ARHGEF10: variants seen among roughly 807,000 people sequenced by gnomAD.
ARHGEF10 encodes Rho guanine nucleotide exchange factor (GEF) 10.
In ARHGEF10, 140 loss-of-function variants were observed where a neutral mutation model predicts 147.4. The ratio of observed to expected loss-of-function variants is 0.95; its 90% CI spans 0.83 to 1.09. The LOEUF (loss-of-function observed/expected upper bound fraction) is 1.09, where lower values mean the gene tolerates loss of function less well. Ranked by LOEUF, ARHGEF10 falls within the 50% of genes least tolerant of loss-of-function variation. The pLI, the probability that ARHGEF10 is intolerant of heterozygous loss-of-function variation, is 0.00. For missense variants in ARHGEF10, 2,222 were observed against 1,752.7 expected (o/e 1.27, Z -4.78); for synonymous variants, 902 against 695.8 (o/e 1.30, Z -4.67).
chr8:1,926,258 T>A, intron 22 of ARHGEF10, 119 bp from the exon 23 acceptor site: 1 of 846,362 alleles, frequency 1.2e-6, no homozygotes, highest in Non-Finnish European at 2.0e-6. Flanking sequence ...TGGTAGGTAA[T>A]GAACCTGTAA....
chr8:1,886,716 C>G (rs1365010129), intron 11 of ARHGEF10, among the ~76,000 whole-genome samples: 1 of 152,226 alleles, frequency 6.6e-6, no homozygotes, highest in African/African-American at 2.4e-5. Flanking sequence ...GTGTGTTTCA[C>G]TGCATTTCAT....
At chr8:1,887,550 G>A (rs1307256895) in intron 11 of ARHGEF10, among the ~76,000 whole-genome samples, 1 of 148,864 alleles carries the variant, frequency 6.7e-6, no homozygotes, top group Non-Finnish European at 1.5e-5. Flanking sequence ...GAAACACTGA[G>A]TTGGGTGAGG....
intron 1 of ARHGEF10, among the ~76,000 whole-genome samples, chr8:1,834,621 T>C (rs992816815): frequency 1.3e-5 from 2 of 152,206 alleles, no homozygotes; most frequent in African/African-American, 4.8e-5. Flanking sequence ...TCCGTAAGCA[T>C]TGAGTGTCCT....
chr8:1,829,805 C>T (rs984446208), intron 1 of ARHGEF10, among the ~76,000 whole-genome samples: 5 of 152,156 alleles, frequency 3.3e-5, no homozygotes, highest in Non-Finnish European at 5.9e-5. Context: ...CCGGGGTCTG[C>T]GGAGGAAGAA....
Position 1,893,017 on chromosome 8 carries a change from C to G in ARHGEF10, c.1183-552C>G, listed in dbSNP as rs1329886722. On this transcript the variant is annotated intron_variant, in intron 11 of 28. Transcript: ENST00000349830. The stretch of plus-strand genomic sequence containing the variant: ...TTGTAGAGATTTTTTTTTTGCACCT[C>G]TAAGTGACATGAATAATTTACTGTC... Among the ~76,000 whole-genome samples the G allele has an allele frequency of 3.6e-5, 5 of 138,834 alleles. No individual in the cohort carries two copies. The Admixed American group carries it at 3.8e-4, about 11-fold the overall frequency. 91.1% of individuals were successfully genotyped at this position (138,834 alleles called of 152,430 possible). A position where few individuals can be genotyped will look rare whatever the true frequency, so the allele number is the denominator to read the frequency against.
intron 26 of ARHGEF10, among the ~76,000 whole-genome samples, chr8:1,935,927 G>C (rs760491351): frequency 6.6e-6 from 1 of 152,246 alleles, no homozygotes; most frequent in Non-Finnish European, 1.5e-5. Context: ...AGCTCACTCC[G>C]AGGGAGGCTG....
intron 11 of ARHGEF10, among the ~76,000 whole-genome samples, chr8:1,890,768 AG>A (rs1227389407): frequency 6.6e-6 from 1 of 151,952 alleles, no homozygotes; most frequent in African/African-American, 2.4e-5. Flanking sequence ...AGTGATTGGT[AG>A]GGGTGTGTGC....
intron 25 of ARHGEF10, among the ~76,000 whole-genome samples, chr8:1,930,551 A>T (rs1270499220): frequency 7.1e-6 from 1 of 140,296 alleles, no homozygotes; most frequent in Non-Finnish European, 1.5e-5. Context: ...ATAGAATTCC[A>T]GTCCTCCAGT....
chr8:1,906,769 C>T (rs1450820291), intron 17 of ARHGEF10, among the ~76,000 whole-genome samples: 1 of 152,220 alleles, frequency 6.6e-6, no homozygotes, highest in Non-Finnish European at 1.5e-5. Context: ...CGGGTCTCTT[C>T]AGGGATCAAG....
intron 23 of ARHGEF10, chr8:1,927,002 G>T (rs1812742736): frequency 4.8e-6 from 1 of 209,304 alleles, no homozygotes; most frequent in Non-Finnish European, 9.6e-6. Context: ...TCGCCCTCCA[G>T]GGCTCCACTG....
chr8:1,945,975 C>T (rs1585642791), intron 27 of ARHGEF10: 1 of 488,242 alleles, frequency 2.0e-6, no homozygotes. Context: ...ATCATCGGTG[C>T]AACAAGGCCC....
At chr8:1,884,792 TCTCA>T (rs934029726) in intron 10 of ARHGEF10, among the ~76,000 whole-genome samples, 22 of 152,230 alleles carry the variant, frequency 1.4e-4, no homozygotes, top group African/African-American at 4.8e-4. Context: ...AGAGACAGGG[TCTCA>T]CTCTGTCGCC....
chr8:1,876,376 C>T (rs527338211), intron 7 of ARHGEF10, 195 bp from the exon 8 acceptor site: 62 of 631,510 alleles, frequency 9.8e-5, no homozygotes, highest in South Asian at 1.9e-4. Context: ...CCAGCCTCCC[C>T]GGCCCTGCCC....
Position 1,882,769 on chromosome 8 carries a change from C to T in ARHGEF10, c.1075+20C>T. On this transcript the variant is annotated intron_variant, in intron 10 of 28. Transcript: ENST00000349830. ...CACAGGGTCCGTGCCTGCAGGTCTTCTTGCGGGGAGGACACGGGGTTGGGG... is the reference window on the plus strand; with the variant it reads ...CACAGGGTCCGTGCCTGCAGGTCTTTTTGCGGGGAGGACACGGGGTTGGGG... 1 of 1,463,044 alleles carries T rather than the reference C, an allele frequency of 6.8e-7. No individual in the cohort carries two copies. The highest frequency in any genetic ancestry group is 9.1e-7 in the Non-Finnish European group (1 of 1,098,110). The allele number at this position is 1,463,044 out of a possible 1,614,324, so 90.6% of individuals were successfully genotyped here. A position where few individuals can be genotyped will look rare whatever the true frequency, so the allele number is the denominator to read the frequency against.
chr8:1,936,273 T>G (rs569232801), intron 26 of ARHGEF10, among the ~76,000 whole-genome samples: 2 of 152,304 alleles, frequency 1.3e-5, no homozygotes, highest in Admixed American at 1.3e-4. Context: ...CCAGCACTTT[T>G]GGAGACCAAG....
intron 25 of ARHGEF10, among the ~76,000 whole-genome samples, chr8:1,930,432 G>A (rs1362010728): frequency 6.6e-6 from 1 of 152,110 alleles, no homozygotes; most frequent in Non-Finnish European, 1.5e-5. Flanking sequence ...CGCTTCTACT[G>A]ATTCATTCTC....
intron 4 of ARHGEF10, among the ~76,000 whole-genome samples, chr8:1,860,885 G>C (rs961145630): frequency 6.6e-6 from 1 of 152,174 alleles, no homozygotes; most frequent in Non-Finnish European, 1.5e-5. Context: ...GGATGGAGGG[G>C]TGGTGGGGGT....
At chr8:1,864,995 G>T (rs894056675) in intron 5 of ARHGEF10, among the ~76,000 whole-genome samples, 5 of 152,236 alleles carry the variant, frequency 3.3e-5, no homozygotes, top group Non-Finnish European at 7.3e-5. Flanking sequence ...GAATTATTTT[G>T]AAGAAAATGT....
At chr8:1,866,694 C>G in intron 6 of ARHGEF10, 92 bp downstream of exon 6, 2 of 1,170,032 alleles carry the variant, frequency 1.7e-6, no homozygotes, top group East Asian at 2.3e-5. Context: ...CAGGTCCCAT[C>G]AGATCTAAAA....
Sources: gnomAD v4.1 joint callset for allele counts (sites outside exome capture counted in the v4.1 genomes callset) on GRCh38, gnomAD v4.1.1 for gene constraint, MANE v1.5 for transcripts, NCBI Gene and HGNC (gene_info 2026-07-23, HGNC 2026-07-21) for gene names.